The following DLG2 variants were observed in gnomAD, a reference collection of about 807,000 sequenced individuals.
DLG2 encodes discs large MAGUK scaffold protein 2.
In DLG2, 45 loss-of-function variants were observed where a neutral mutation model predicts 132.5. That is an observed-to-expected ratio of 0.34 (90% CI 0.27 to 0.44). The LOEUF is 0.44. Among genes scored for constraint, DLG2 ranks in the 20% least tolerant of loss-of-function variants. The pLI is 1.00. For missense variants in DLG2, 1,045 were observed against 1,196.9 expected (o/e 0.87, Z 1.87); for synonymous variants, 424 against 419.6 (o/e 1.01, Z -0.13).
intron 5 of DLG2, among the ~76,000 whole-genome samples, chr11:85,141,982 G>A (rs145133569): frequency 4.1e-4 from 63 of 151,958 alleles, no homozygotes; most frequent in African/African-American, 1.5e-3. Context: ...TTAAAGTCAG[G>A]TAATGCAATT....
At chr11:84,079,157 A>T (rs1354327546) in intron 10 of DLG2, among the ~76,000 whole-genome samples, 3 of 152,202 alleles carry the variant, frequency 2.0e-5, no homozygotes, top group Non-Finnish European at 4.4e-5. Flanking sequence ...TAAGATTTAT[A>T]AAGTTTATCC....
At chr11:84,921,883 G>A (rs1313553627) in intron 6 of DLG2, among the ~76,000 whole-genome samples, 1 of 151,882 alleles carries the variant, frequency 6.6e-6, no homozygotes, top group East Asian at 1.9e-4. Context: ...TATACATGGA[G>A]GAAAATTGAC....
At chr11:84,619,567 C>T (rs1341520932) in intron 6 of DLG2, among the ~76,000 whole-genome samples, 2 of 151,220 alleles carry the variant, frequency 1.3e-5, no homozygotes, top group African/African-American at 4.8e-5. Flanking sequence ...ACTAGGGATA[C>T]AAAGTTGCTT....
chr11:85,493,667 G>T (rs286523), intron 3 of DLG2, among the ~76,000 whole-genome samples: 1 of 148,576 alleles, frequency 6.7e-6, no homozygotes, highest in South Asian at 2.2e-4. Context: ...AAGATCCCAT[G>T]TCAGAGAGGA....
intron 6 of DLG2, among the ~76,000 whole-genome samples, chr11:85,002,486 A>G (rs770966143): frequency 2.6e-5 from 4 of 152,306 alleles, no homozygotes; most frequent in African/African-American, 4.8e-5. Context: ...GTGGAGGTCT[A>G]CAATCTCTCC....
At position 84,816,244 on chromosome 11, in the gene DLG2, C is replaced by T. The variant is rs374641729; in HGVS notation, c.358-281513G>A. Among the ~76,000 whole-genome samples, 8 of 152,082 alleles carry T rather than the reference C, an allele frequency of 5.3e-5. No individual in the cohort carries two copies. The East Asian group carries it at 1.2e-3, about 22-fold the overall frequency. On this transcript the variant is annotated intron_variant, in intron 6 of 27. Coordinates refer to ENST00000376104, the MANE Select transcript of DLG2 (RefSeq NM_001142699.3). ...ATTAAAGTTGTAGACAGAGTAGGGG[C>T]TGCCTCCAGAGGAGCAGAGAAAAGA... is the stretch of plus-strand genomic sequence containing the variant.
At chr11:84,296,370 C>A (rs569245359) in intron 7 of DLG2, among the ~76,000 whole-genome samples, 1 of 152,146 alleles carries the variant, frequency 6.6e-6, no homozygotes, top group Non-Finnish European at 1.5e-5. Flanking sequence ...ATCTCTTACC[C>A]TGTTTCTCCT....
At chr11:85,428,893 A>T (rs2090970069) in intron 3 of DLG2, among the ~76,000 whole-genome samples, 1 of 152,172 alleles carries the variant, frequency 6.6e-6, no homozygotes, top group Non-Finnish European at 1.5e-5. Context: ...AGACTAATAA[A>T]GAAGAAAAGA....
chr11:83,729,742 C>T (rs1403056150), intron 18 of DLG2, among the ~76,000 whole-genome samples: 2 of 152,180 alleles, frequency 1.3e-5, no homozygotes, highest in African/African-American at 2.4e-5. Context: ...ACATTAGACT[C>T]CAGTCTGGGC....
chr11:84,502,394 CTTTCTTTCTTTCTTTCT>C (rs1567807171), intron 7 of DLG2, among the ~76,000 whole-genome samples: 1 of 93,438 alleles, frequency 1.1e-5, no homozygotes, highest in Non-Finnish European at 2.1e-5. Flanking sequence ...TTCTTTCTTT[CTTTCTTTCTTTCTTTCT>C]TTCTATACAG....
chr11:84,417,649 C>T (rs1210703362), intron 7 of DLG2, among the ~76,000 whole-genome samples: 2 of 152,168 alleles, frequency 1.3e-5, no homozygotes, highest in African/African-American at 2.4e-5. Context: ...TCTCTGCCCA[C>T]CTTGCCCCTT....
intron 9 of DLG2, among the ~76,000 whole-genome samples, chr11:84,140,720 C>T (rs2094806256): frequency 1.3e-5 from 2 of 152,134 alleles, no homozygotes; most frequent in Admixed American, 1.3e-4. Context: ...CTACTGTTTT[C>T]ATCTTTCTCT....
intron 6 of DLG2, among the ~76,000 whole-genome samples, chr11:84,874,983 G>C (rs565632848): frequency 1.4e-5 from 2 of 143,462 alleles, no homozygotes; most frequent in Non-Finnish European, 3.0e-5. Flanking sequence ...TTGCACCACT[G>C]TACCCCAGCC....
rs77163630 is a variant in DLG2 at position 85,307,730 on chromosome 11, T to C, written c.41-22365A>G. On this transcript the variant is annotated intron_variant, in intron 3 of 27. Coordinates refer to ENST00000376104, the MANE Select transcript of DLG2 (RefSeq NM_001142699.3). Reference sequence around the variant, plus strand: ...AGATTCTTTACTGACACTGATTTAGTTCCTTATCCATGTGCTATCTAGTCT... The same window carrying C: ...AGATTCTTTACTGACACTGATTTAGCTCCTTATCCATGTGCTATCTAGTCT... 7.6e-3 allele frequency among the ~76,000 whole-genome samples: 1,163 copies of C among 152,336 alleles called. 12 individuals carry two copies. The highest frequency in any genetic ancestry group is 0.027 in the African/African-American group (1,104 of 41,574).
chr11:83,858,275 G>C (rs1414442358), intron 16 of DLG2, among the ~76,000 whole-genome samples: 9 of 152,082 alleles, frequency 5.9e-5, no homozygotes, highest in African/African-American at 2.2e-4. Flanking sequence ...GGTATGTCAG[G>C]GGGTCAAAAC....
At chr11:85,216,699 C>T (rs2082622229) in intron 4 of DLG2, among the ~76,000 whole-genome samples, 1 of 151,836 alleles carries the variant, frequency 6.6e-6, no homozygotes, top group Non-Finnish European at 1.5e-5. Flanking sequence ...GGTTAAAATA[C>T]CTTTTTTTTT....
chr11:84,837,656 G>T (rs2080001726), intron 6 of DLG2, among the ~76,000 whole-genome samples: 1 of 151,788 alleles, frequency 6.6e-6, no homozygotes, highest in South Asian at 2.1e-4. Context: ...AAGAAGGAAG[G>T]TAGAACATTA....
chr11:84,642,060 G>GCA (rs1248065586), intron 6 of DLG2, among the ~76,000 whole-genome samples: 1 of 129,986 alleles, frequency 7.7e-6, no homozygotes, highest in African/African-American at 3.6e-5. Flanking sequence ...GTATATATAC[G>GCA]CACGCGTGTG....
chr11:83,975,864 C>A (rs75539347), intron 12 of DLG2, among the ~76,000 whole-genome samples: 8 of 151,818 alleles, frequency 5.3e-5, no homozygotes, highest in African/African-American at 1.9e-4. Flanking sequence ...TATATTTTAA[C>A]AGAATTTTAA....
Sources: allele counts gnomAD v4.1 joint callset (sites outside exome capture counted in the v4.1 genomes callset), GRCh38; gene constraint gnomAD v4.1.1; transcripts MANE v1.5; gene names NCBI Gene and HGNC (gene_info 2026-07-23, HGNC 2026-07-21).